ADNP2: variants seen among roughly 807,000 people sequenced by gnomAD.
ADNP2 encodes the protein activity-dependent neuroprotector homeobox protein 2.
Under a neutral mutation model 16.4 loss-of-function variants are expected in ADNP2, and 8 were observed. The ratio of observed to expected loss-of-function variants is 0.49; its 90% CI spans 0.29 to 0.88. The LOEUF (loss-of-function observed/expected upper bound fraction) is 0.88. ADNP2 is among the 40% of genes least tolerant of loss of function. ADNP2 has a pLI of 0.09. For synonymous variants in ADNP2, 637 were observed against 545.8 expected (o/e 1.17, Z -2.33); for missense variants, 1,397 against 1,395.1 (o/e 1.00, Z -0.02).
Position 80,136,758 on chromosome 18 carries a change from C to A in ADNP2, c.1345C>A (p.Leu449Ile). The A allele has an allele frequency of 1.2e-6, 2 of 1,609,630 alleles. No individual in the cohort carries two copies. Among genetic ancestry groups the A allele is most frequent in the African/African-American group, 1.3e-5 (1 of 74,744 alleles). Residue 449 changes from leucine to isoleucine, a missense_variant, in exon 4 of 4, where the codon CTT (leucine) becomes ATT (isoleucine). Transcript: ENST00000262198. ...SVSRAVPSGV[L>I]PAGQMTPAGQ... ...GAGTCGGGCGGTCCCGTCTGGAGTC[C>A]TTCCTGCAGGCCAGATGACTCCTGC...
intron 1 of ADNP2, among the ~76,000 whole-genome samples, chr18:80,114,192 CAA>C (rs138431229): frequency 1.3e-4 from 14 of 110,236 alleles, no homozygotes; most frequent in African/African-American, 1.1e-4. Flanking sequence ...GACCCTGTCT[CAA>C]AAAAAAAAAA....
At chr18:80,128,647 C>G (rs1331683430) in intron 2 of ADNP2, among the ~76,000 whole-genome samples, 4 of 151,906 alleles carry the variant, frequency 2.6e-5, no homozygotes, top group African/African-American at 9.7e-5. Flanking sequence ...AAGACCCCGT[C>G]TCAAAAAAAG....
intron 2 of ADNP2, among the ~76,000 whole-genome samples, chr18:80,118,719 G>T (rs1020595478): frequency 1.3e-5 from 2 of 152,150 alleles, no homozygotes; most frequent in African/African-American, 4.8e-5. Flanking sequence ...AACATTGCTC[G>T]TGAACTTTTG....
At chr18:80,132,626 CTCTT>C (rs1459118718) in intron 2 of ADNP2, among the ~76,000 whole-genome samples, 7 of 150,224 alleles carry the variant, frequency 4.7e-5, no homozygotes, top group Non-Finnish European at 7.4e-5. Flanking sequence ...TTTCTTTTTT[CTCTT>C]TCTCTCTTTT....
rs898353488 is a variant in ADNP2 at position 80,128,088 on chromosome 18, C to T, written c.109-5015C>T. Among the ~76,000 whole-genome samples, 14 of 152,180 alleles carry T rather than the reference C, an allele frequency of 9.2e-5. No homozygotes were observed. The South Asian group carries it at 1.5e-3, about 16-fold the overall frequency. On this transcript the variant is annotated intron_variant, in intron 2 of 3. Coordinates refer to ENST00000262198, the MANE Select transcript of ADNP2 (RefSeq NM_014913.4). Reference sequence around the variant, plus strand: ...CTTGCTTTCTATCAGGTGATAATGACTTCATAATTACTGTGGGGCTCTTGT... The same window carrying T: ...CTTGCTTTCTATCAGGTGATAATGATTTCATAATTACTGTGGGGCTCTTGT...
chr18:80,138,424 C>G lies in ADNP2; in HGVS notation c.3011C>G (p.Ala1004Gly). ...CAGCCTCCCATCCTAAATGCCGATG[C>G]AGCCCCGGGTCCAGAAAAGGTGACG... ...EEQPPILNADAAPGPEKVTSV... is the reference protein window; with the variant it reads ...EEQPPILNADGAPGPEKVTSV... The change falls in exon 4 of 4, where the codon GCA (alanine) becomes GGA (glycine). Residue 1004 changes from alanine to glycine, a missense_variant. Physicochemically the swap from Ala to Gly is moderately conservative, Grantham distance 60. Transcript: ENST00000262198. 1.2e-6 allele frequency: 2 copies of G among 1,614,034 alleles called. No individual in the cohort carries two copies. The highest frequency in any genetic ancestry group is 8.5e-7 in the Non-Finnish European group (1 of 1,180,020).
chr18:80,136,901 G>T lies in ADNP2; in HGVS notation c.1488G>T (p.Arg496=). 1 of 1,614,096 alleles carries T rather than the reference G, an allele frequency of 6.2e-7. No homozygotes were observed. Among genetic ancestry groups the T allele is most frequent in the East Asian group, 2.2e-5 (1 of 44,876 alleles). The change falls in exon 4 of 4, where the codon CGG becomes CGT. Residue 496 remains arginine, a synonymous_variant. Coordinates refer to ENST00000262198, the MANE Select transcript of ADNP2 (RefSeq NM_014913.4). ...CTGTGGGCCAGACAGCTCCGTCACG[G>T]GTTCTTCCCCCAGGCCAGACAGCCC... ...VLPVGQTAPS[R]VLPPGQTAPL... is the part of the protein sequence containing the mutation.
intron 2 of ADNP2, among the ~76,000 whole-genome samples, chr18:80,122,832 G>C (rs577212737): frequency 6.6e-6 from 1 of 152,130 alleles, no homozygotes; most frequent in Non-Finnish European, 1.5e-5. Context: ...TGTTTAGAAC[G>C]TCCAGTATAA....
chr18:80,134,418 T>TGTGAGAGA (rs143942110), intron 3 of ADNP2, among the ~76,000 whole-genome samples: 3 of 136,448 alleles, frequency 2.2e-5, no homozygotes, highest in African/African-American at 8.2e-5. Flanking sequence ...TGTGTGTGTG[T>TGTGAGAGA]GAGAGAGAGT....
intron 2 of ADNP2, among the ~76,000 whole-genome samples, chr18:80,118,905 A>G (rs2052406321): frequency 6.6e-6 from 1 of 152,182 alleles, no homozygotes; most frequent in African/African-American, 2.4e-5. Context: ...TATTTTGGGG[A>G]GAAAATTTTA....
chr18:80,122,404 T>G (rs1016647744), intron 2 of ADNP2, among the ~76,000 whole-genome samples: 1 of 152,222 alleles, frequency 6.6e-6, no homozygotes, highest in Non-Finnish European at 1.5e-5. Flanking sequence ...AGAACTTTGA[T>G]GAGGATTGTG....
In ADNP2 at chr18:80,131,628, G is replaced by A. The variant is rs1001877681; in HGVS notation, c.109-1475G>A. 5.3e-5 allele frequency among the ~76,000 whole-genome samples: 8 copies of A among 150,590 alleles called. No individual in the cohort carries two copies. The East Asian group carries it at 1.4e-3, about 26-fold the overall frequency. ...CTAGGGTACATGTGCACAACGTGCA[G>A]GTTTGTTGCATATGTATACATGTAC... On this transcript the variant is annotated intron_variant, in intron 2 of 3. Coordinates refer to ENST00000262198, the MANE Select transcript of ADNP2 (RefSeq NM_014913.4).
In ADNP2 at chr18:80,136,862, G is replaced by GTC; in HGVS notation, c.1450_1451dup (p.Gly485GlnfsTer23). Reference sequence around the variant, plus strand: ...TTCTTCCTACTGGCCAGATGGTCCAGTCAGGAGTTCTCCCTGTGGGCCAGA... The same window carrying GTC: ...TTCTTCCTACTGGCCAGATGGTCCAGTCTCAGGAGTTCTCCCTGTGGGCCAGA... On this transcript the variant is annotated frameshift_variant, in exon 4 of 4. Coordinates refer to ENST00000262198, the MANE Select transcript of ADNP2 (RefSeq NM_014913.4). LOFTEE classifies it low-confidence loss of function (END_TRUNC). 6.2e-7 allele frequency: 1 copy of GTC among 1,613,940 alleles called. No homozygotes were observed. Among genetic ancestry groups the GTC allele is most frequent in the Non-Finnish European group, 8.5e-7 (1 of 1,179,950 alleles).
At chr18:80,126,423 G>C (rs1317479425) in intron 2 of ADNP2, among the ~76,000 whole-genome samples, 6 of 152,014 alleles carry the variant, frequency 3.9e-5, no homozygotes, top group Non-Finnish European at 5.9e-5. Context: ...CATTTCCTCT[G>C]CCTCCTGAAG....
intron 1 of ADNP2, among the ~76,000 whole-genome samples, chr18:80,111,745 A>C (rs773958881): frequency 1.3e-5 from 2 of 151,916 alleles, no homozygotes; most frequent in Non-Finnish European, 2.9e-5. Context: ...GGGTTTCACC[A>C]TATTGGTCAG....
chr18:80,138,645 T>C lies in ADNP2; in HGVS notation c.3232T>C (p.Ser1078Pro). Reference sequence around the variant, plus strand: ...TAAAAAGGAAATAGAACTGTTGTCCTCACTCTTTTGGGTGTGGAAAATTGA... The same window carrying C: ...TAAAAAGGAAATAGAACTGTTGTCCCCACTCTTTTGGGTGTGGAAAATTGA... The part of the protein sequence containing the change: ...PSKKEIELLS[S>P]LFWVWKIDVA... Residue 1078 changes from serine to proline, a missense_variant, in exon 4 of 4, where the codon TCA (serine) becomes CCA (proline). Physicochemically the swap from Ser to Pro is moderately conservative, Grantham distance 74. Transcript: ENST00000262198. 2 of 1,611,372 alleles carry C rather than the reference T, an allele frequency of 1.2e-6. No homozygotes were observed. Among genetic ancestry groups the C allele is most frequent in the Non-Finnish European group, 1.7e-6 (2 of 1,179,402 alleles).
Position 80,138,648 on chromosome 18 carries a change from C to T in ADNP2, c.3235C>T (p.Leu1079Phe). The T allele has an allele frequency of 6.2e-7, 1 of 1,611,790 alleles. No individual in the cohort carries two copies. Among genetic ancestry groups the T allele is most frequent in the Non-Finnish European group, 8.5e-7 (1 of 1,179,522 alleles). The change falls in exon 4 of 4, where the codon CTC becomes TTC. Residue 1079 changes from leucine (L) to phenylalanine (F), a missense_variant. Around this residue, in one of 3 missense-constraint regions of ADNP2, gnomAD observed 611 missense variants for 648.7 expected, o/e 0.94. Coordinates refer to ENST00000262198, the MANE Select transcript of ADNP2 (RefSeq NM_014913.4). ...SKKEIELLSS[L>F]FWVWKIDVAS... ...AAAGGAAATAGAACTGTTGTCCTCACTCTTTTGGGTGTGGAAAATTGATGT... is the reference window on the plus strand; with the variant it reads ...AAAGGAAATAGAACTGTTGTCCTCATTCTTTTGGGTGTGGAAAATTGATGT...
chr18:80,137,700 C>T lies in ADNP2; in HGVS notation c.2287C>T (p.His763Tyr), dbSNP rs776148926. 2.8e-5 allele frequency: 46 copies of T among 1,614,100 alleles called. No homozygotes were observed. The highest frequency in any genetic ancestry group is 3.8e-5 in the Non-Finnish European group (45 of 1,180,038). Residue 763 changes from histidine (H) to tyrosine (Y), a missense_variant, in exon 4 of 4, where the codon CAC becomes TAC. This residue lies in a region of ADNP2 where 611 missense variants were observed against 648.7 expected (regional missense o/e 0.94). Transcript: ENST00000262198. The surrounding 1 kb of genome is among the most constrained non-coding windows in gnomAD (Gnocchi z 4.2). ...CTTGGTCTCTGAGGAAGAGCTTATA[C>T]ACCACTTGCTGATGCATGGCTTGGG... ...KCLVSEEELIHHLLMHGLGCL... is the reference protein window; with the variant it reads ...KCLVSEEELIYHLLMHGLGCL...
chr18:80,118,657 C>A (rs2052404465), intron 2 of ADNP2, among the ~76,000 whole-genome samples: 1 of 152,114 alleles, frequency 6.6e-6, no homozygotes, highest in South Asian at 2.1e-4. Flanking sequence ...ATGTCAGTAA[C>A]AACAAAAGTT....
Sources: gnomAD v4.1 joint callset for allele counts (sites outside exome capture counted in the v4.1 genomes callset) on GRCh38, gnomAD v4.1.1 for gene constraint, gnomAD v4.1.1 regional missense constraint, Gnocchi (gnomAD v3.1) non-coding constraint, MANE v1.5 for transcripts, NCBI Gene and HGNC (gene_info 2026-07-23, HGNC 2026-07-21) for gene names.